DBNDD1: variants seen among roughly 807,000 people sequenced by gnomAD.
DBNDD1 encodes the protein dysbindin domain-containing protein 1.
In DBNDD1, 14 loss-of-function variants were observed where a neutral mutation model predicts 17.0. That is an observed-to-expected ratio of 0.82 (90% confidence interval 0.54 to 1.29). The LOEUF (loss-of-function observed/expected upper bound fraction) is 1.29. Ranked by LOEUF, DBNDD1 falls within the 50% of genes most tolerant of loss-of-function variation. DBNDD1 has a pLI of 0.00. For synonymous variants in DBNDD1, 105 were observed against 102.0 expected (o/e 1.03, Z -0.18); for missense variants, 221 against 216.2 (o/e 1.02, Z -0.14).
rs377173718 is a variant in DBNDD1 at position 90,006,238 on chromosome 16, G to A, written c.*97C>T. 8.3e-6 allele frequency: 12 copies of A among 1,449,474 alleles called. No homozygotes were observed. Among genetic ancestry groups the A allele is most frequent in the East Asian group, 2.5e-5 (1 of 40,208 alleles). The allele number at this position is 1,449,474 out of a possible 1,614,324, so 89.8% of individuals were successfully genotyped here. A position where few individuals can be genotyped will look rare whatever the true frequency, so the allele number is the denominator to read the frequency against. The stretch of plus-strand genomic sequence containing the variant: ...GTCAGGAGGTGACGGCTGGAGCCTC[G>A]TGGGCGGGTGAAGTGTGTCTGCTGG... On this transcript the variant is annotated 3_prime_UTR_variant, in exon 4 of 4. Transcript: ENST00000002501.
chr16:90,012,515 A>G (rs753269013), intron 1 of DBNDD1, among the ~76,000 whole-genome samples: 29 of 150,054 alleles, frequency 1.9e-4, no homozygotes, highest in Non-Finnish European at 4.0e-4. Flanking sequence ...GCTGGAGTGC[A>G]ATGGCGTGAT....
chr16:90,019,162 G>A lies in DBNDD1; in HGVS notation c.31+149C>T, dbSNP rs1307651631. 2 of 350,454 alleles carry A rather than the reference G, an allele frequency of 5.7e-6. No homozygotes were observed. Among genetic ancestry groups the A allele is most frequent in the Non-Finnish European group, 1.0e-5 (2 of 199,036 alleles). 21.7% of individuals were successfully genotyped at this position (350,454 alleles called of 1,614,324 possible). Reference sequence around the variant, plus strand: ...CCCCGCGCGGGGACCGCGCCCGGGAGGTGCCCCTGGCCCGCCGGACGACCC... The same window carrying A: ...CCCCGCGCGGGGACCGCGCCCGGGAAGTGCCCCTGGCCCGCCGGACGACCC... On this transcript the variant is annotated intron_variant, in intron 1 of 3. Coordinates refer to ENST00000002501, the MANE Select transcript of DBNDD1 (RefSeq NM_001042610.3). This position sits in a 1 kb window ranked among gnomAD's most constrained non-coding sequence, Gnocchi z 6.1.
intron 1 of DBNDD1, among the ~76,000 whole-genome samples, chr16:90,016,214 T>C (rs1212059651): frequency 1.3e-5 from 2 of 152,164 alleles, no homozygotes; most frequent in Non-Finnish European, 2.9e-5. Flanking sequence ...GCTGCATTCC[T>C]GGGACCTAGC....
At chr16:90,015,788 A>ACTAATCATATTTT (rs2035631200) in intron 1 of DBNDD1, among the ~76,000 whole-genome samples, 1 of 152,054 alleles carries the variant, frequency 6.6e-6, no homozygotes, top group Non-Finnish European at 1.5e-5. Flanking sequence ...GTTCCTAGGA[A>ACTAATCATATTTT]ATGTCCAGAA....
In DBNDD1 at chr16:90,012,102, G is replaced by A. The variant is rs530162708; in HGVS notation, c.32-2672C>T. Among the ~76,000 whole-genome samples, 9 of 152,374 alleles carry A rather than the reference G, an allele frequency of 5.9e-5. No individual in the cohort carries two copies. In the South Asian group the frequency reaches 1.7e-3, roughly 28 times the overall value. On this transcript the variant is annotated intron_variant, in intron 1 of 3. Transcript: ENST00000002501. ...CTGCAGAGGGCGTAGCCCTGTCCTA[G>A]CCTCGAGTCTCAGGAGGGTGCTGCA...
At chr16:90,014,277 C>A (rs990124395) in intron 1 of DBNDD1, among the ~76,000 whole-genome samples, 1 of 152,028 alleles carries the variant, frequency 6.6e-6, no homozygotes, top group African/African-American at 2.4e-5. Flanking sequence ...CAGGCGTGCG[C>A]CACCATGCCT....
chr16:90,006,770 TC>T lies in DBNDD1; in HGVS notation c.320-279del, dbSNP rs765272444. 200 of 418,506 alleles carry T rather than the reference TC, an allele frequency of 4.8e-4. 1 individual carries two copies. The highest frequency in any genetic ancestry group is 7.6e-4 in the Non-Finnish European group (173 of 226,358). 25.9% of individuals were successfully genotyped at this position (418,506 alleles called of 1,614,324 possible). ...TCTAGGCTGAGCCTCTCCTGTTTGG[TC>T]ATTAAGTGACCCTGGTGGGGCCTCC... On this transcript the variant is annotated intron_variant, in intron 3 of 3. Coordinates refer to ENST00000002501, the MANE Select transcript of DBNDD1 (RefSeq NM_001042610.3).
At chr16:90,011,117 G>C (rs1302862567) in intron 1 of DBNDD1, among the ~76,000 whole-genome samples, 1 of 152,224 alleles carries the variant, frequency 6.6e-6, no homozygotes, top group Non-Finnish European at 1.5e-5. Flanking sequence ...AGCACCCTGA[G>C]GACCCTGTGG....
intron 1 of DBNDD1, among the ~76,000 whole-genome samples, chr16:90,015,677 G>C (rs1227700335): frequency 1.3e-5 from 2 of 152,178 alleles, no homozygotes; most frequent in Admixed American, 6.5e-5. Flanking sequence ...TTCAACCCAA[G>C]AAGGACGGCG....
At chr16:90,018,030 C>G (rs986103795) in intron 1 of DBNDD1, among the ~76,000 whole-genome samples, 8 of 152,312 alleles carry the variant, frequency 5.3e-5, no homozygotes, top group Admixed American at 3.9e-4. Context: ...ATATTAACCT[C>G]CACTCCCAAA....
chr16:90,014,770 C>A, intron 1 of DBNDD1, among the ~76,000 whole-genome samples: 1 of 151,788 alleles, frequency 6.6e-6, no homozygotes, highest in East Asian at 1.9e-4. Flanking sequence ...TTTGGGAGGC[C>A]AAGGCGGGCG....
In DBNDD1 at chr16:90,009,375, C is replaced by A. The variant is rs372581728; in HGVS notation, c.87G>T (p.Gly29=). ...PQAALGVPAQ[G]TGDNGHTPVE... is the part of the protein sequence containing the mutation. ...CAGGCGTGTGGCCATTGTCCCCTGT[C>A]CCCTGGGCTGGGACGCCCAGCGCAG... is the stretch of plus-strand genomic sequence containing the variant. The change falls in exon 2 of 4, where the codon GGG becomes GGT. Residue 29 remains glycine (G), a synonymous_variant. Coordinates refer to ENST00000002501, the MANE Select transcript of DBNDD1 (RefSeq NM_001042610.3). 151 of 1,613,370 alleles carry A rather than the reference C, an allele frequency of 9.4e-5. No individual in the cohort carries two copies. In the African/African-American group the frequency reaches 1.8e-3, roughly 20 times the overall value.
At chr16:90,014,647 C>G (rs532469102) in intron 1 of DBNDD1, among the ~76,000 whole-genome samples, 9 of 152,302 alleles carry the variant, frequency 5.9e-5, no homozygotes, top group Non-Finnish European at 8.8e-5. Context: ...TGGGACAAAG[C>G]TCTAGCCCTG....
Position 90,009,365 on chromosome 16 carries a change from T to C in DBNDD1, c.97A>G (p.Asn33Asp). The C allele has an allele frequency of 6.2e-7, 1 of 1,613,366 alleles. No homozygotes were observed. The highest frequency in any genetic ancestry group is 8.5e-7 in the Non-Finnish European group (1 of 1,179,972). Residue 33 changes from asparagine (N) to aspartate (D), a missense_variant, in exon 2 of 4, where the codon AAT becomes GAT. Coordinates refer to ENST00000002501, the MANE Select transcript of DBNDD1 (RefSeq NM_001042610.3). Reference sequence around the variant, plus strand: ...TCCTCCTCCACAGGCGTGTGGCCATTGTCCCCTGTCCCCTGGGCTGGGACG... The same window carrying C: ...TCCTCCTCCACAGGCGTGTGGCCATCGTCCCCTGTCCCCTGGGCTGGGACG... ...LGVPAQGTGDNGHTPVEEEVG... is the reference protein window; with the variant it reads ...LGVPAQGTGDDGHTPVEEEVG...
rs2035711357 is a variant in DBNDD1 at position 90,019,083 on chromosome 16, C to T, written c.31+228G>A. Among the ~76,000 whole-genome samples, 1 of 152,174 alleles carries T rather than the reference C, an allele frequency of 6.6e-6. No homozygotes were observed. The highest frequency in any genetic ancestry group is 2.4e-5 in the African/African-American group (1 of 41,446). ...AAGGAGCGTGCCGGGCACGGCTTCCCGGGCCGGGAGCGCAGAGAACAAGGG... is the reference window on the plus strand; with the variant it reads ...AAGGAGCGTGCCGGGCACGGCTTCCTGGGCCGGGAGCGCAGAGAACAAGGG... On this transcript the variant is annotated intron_variant, in intron 1 of 3. Transcript: ENST00000002501. This position sits in a 1 kb window ranked among gnomAD's most constrained non-coding sequence, Gnocchi z 6.1.
rs2035514086 is a variant in DBNDD1, at chr16:90,009,654, T to C, written c.32-224A>G. ...CTTCCCCTTGGGCCCTGGCCTCCCC[T>C]AGTGAACAAGGAATCTGAGATCCAG... On this transcript the variant is annotated intron_variant, in intron 1 of 3. Transcript: ENST00000002501. The C allele has an allele frequency of 2.7e-5, 18 of 660,818 alleles. 1 individual carries two copies. The South Asian group carries it at 3.5e-4, about 13-fold the overall frequency. 40.9% of individuals were successfully genotyped at this position (660,818 alleles called of 1,614,324 possible).
rs1014126915 is a variant in DBNDD1, at chr16:90,019,281, G to A, written c.31+30C>T. ...GGCTCGCTGCGGGGAAGCGCTGCGC[G>A]GGGGTCTCGGGGGCTGGGGCTGAAC... is the stretch of plus-strand genomic sequence containing the variant. On this transcript the variant is annotated intron_variant, in intron 1 of 3. Transcript: ENST00000002501. This position sits in a 1 kb window ranked among gnomAD's most constrained non-coding sequence, Gnocchi z 6.1. The A allele has an allele frequency of 1.0e-4, 121 of 1,184,674 alleles. No homozygotes were observed. Among genetic ancestry groups the A allele is most frequent in the Non-Finnish European group, 1.2e-4 (118 of 947,638 alleles). 73.4% of individuals were successfully genotyped at this position (1,184,674 alleles called of 1,614,324 possible).
At position 90,019,057 on chromosome 16, in the gene DBNDD1, C is replaced by G. The variant is rs2035710581; in HGVS notation, c.31+254G>C. On this transcript the variant is annotated intron_variant, in intron 1 of 3. Coordinates refer to ENST00000002501, the MANE Select transcript of DBNDD1 (RefSeq NM_001042610.3). The surrounding 1 kb of genome is among the most constrained non-coding windows in gnomAD (Gnocchi z 6.1). ...CAGGACGAAACTCCGGGCCACCCACCAAGGAGCGTGCCGGGCACGGCTTCC... is the reference window on the plus strand; with the variant it reads ...CAGGACGAAACTCCGGGCCACCCACGAAGGAGCGTGCCGGGCACGGCTTCC... Among the ~76,000 whole-genome samples the G allele has an allele frequency of 6.6e-6, 1 of 152,178 alleles. No individual in the cohort carries two copies. Among genetic ancestry groups the G allele is most frequent in the Non-Finnish European group, 1.5e-5 (1 of 68,022 alleles).
intron 3 of DBNDD1, 115 bp from the exon 4 acceptor site, chr16:90,006,607 C>T: frequency 7.4e-7 from 1 of 1,344,704 alleles, no homozygotes; most frequent in Non-Finnish European, 1.0e-6. Flanking sequence ...TGCACCAGCC[C>T]CCTGCACCAG....
Sources: allele counts gnomAD v4.1 joint callset (sites outside exome capture counted in the v4.1 genomes callset), GRCh38; gene constraint gnomAD v4.1.1; non-coding constraint Gnocchi (gnomAD v3.1); transcripts MANE v1.5; gene names NCBI Gene and HGNC (gene_info 2026-07-23, HGNC 2026-07-21).